The following YWHAG variants were observed in gnomAD, a reference collection of about 807,000 sequenced individuals.
The protein encoded by YWHAG is tyrosine 3-monooxygenase/tryptophan 5-monooxygenase activation protein gamma.
Under a neutral mutation model 23.3 loss-of-function variants are expected in YWHAG, and 1 was observed. The observed-to-expected ratio is 0.04, with a 90% CI of 0.02 to 0.20. YWHAG has a LOEUF of 0.20. Among genes scored for constraint, YWHAG ranks in the 10% least tolerant of loss-of-function variants. The pLI is 1.00. For missense variants in YWHAG, 151 were observed against 338.6 expected, an observed-to-expected ratio of 0.45 and a Z score of 4.35; for synonymous variants, 160 against 144.0, an observed-to-expected ratio of 1.11 and a Z score of -0.80.
rs927245099 is a variant in YWHAG, at chr7:76,327,394, G to A, written c.*2183C>T. On this transcript the variant is annotated 3_prime_UTR_variant, in exon 2 of 2. Transcript: ENST00000307630. ...GGAGGAGTAATCATTTCACTGGAGA[G>A]ACAGTATCATAGGCAAGTGCATTTC... is the stretch of plus-strand genomic sequence containing the variant. 2.6e-4 allele frequency: 40 copies of A among 152,418 alleles called. No homozygotes were observed. Among genetic ancestry groups the A allele is most frequent in the African/African-American group, 8.9e-4 (37 of 41,502 alleles). 9.4% of individuals were successfully genotyped at this position (152,418 alleles called of 1,614,324 possible).
chr7:76,357,948 A>C (rs1405006565), intron 1 of YWHAG, among the ~76,000 whole-genome samples: 1 of 152,190 alleles, frequency 6.6e-6, no homozygotes, highest in Non-Finnish European at 1.5e-5. Context: ...CCACCTTTTA[A>C]TTTTACAGGC....
At chr7:76,349,776 T>C (rs1322140546) in intron 1 of YWHAG, among the ~76,000 whole-genome samples, 1 of 152,120 alleles carries the variant, frequency 6.6e-6, no homozygotes, top group Non-Finnish European at 1.5e-5. Context: ...GGTGGATCAC[T>C]TGAGGTCAGG....
intron 1 of YWHAG, among the ~76,000 whole-genome samples, chr7:76,332,158 A>G (rs1369009398): frequency 6.6e-6 from 1 of 152,086 alleles, no homozygotes; most frequent in African/African-American, 2.4e-5. Context: ...AAAAGAGGGG[A>G]AGAATAGGGG....
At chr7:76,331,039 T>C (rs956125139) in intron 1 of YWHAG, among the ~76,000 whole-genome samples, 1 of 152,214 alleles carries the variant, frequency 6.6e-6, no homozygotes, top group Non-Finnish European at 1.5e-5. Flanking sequence ...CAGCCAATAA[T>C]ACTAAATTTA....
Position 76,326,962 on chromosome 7 carries a change from G to T in YWHAG, c.*2615C>A, listed in dbSNP as rs1462054294. ...AATCACTGATTAGACCTTAAAAATAGTTCACTGCATAACATGACAAAAAGC... is the reference window on the plus strand; with the variant it reads ...AATCACTGATTAGACCTTAAAAATATTTCACTGCATAACATGACAAAAAGC... On this transcript the variant is annotated 3_prime_UTR_variant, in exon 2 of 2. Coordinates refer to ENST00000307630, the MANE Select transcript of YWHAG (RefSeq NM_012479.4). The T allele has an allele frequency of 1.3e-5, 2 of 152,562 alleles. No individual in the cohort carries two copies. The highest frequency in any genetic ancestry group is 4.8e-5 in the African/African-American group (2 of 41,420). 9.5% of individuals were successfully genotyped at this position (152,562 alleles called of 1,614,324 possible). A position where few individuals can be genotyped will look rare whatever the true frequency, so the allele number is the denominator to read the frequency against.
At chr7:76,352,745 G>A (rs543941562) in intron 1 of YWHAG, among the ~76,000 whole-genome samples, 1 of 152,016 alleles carries the variant, frequency 6.6e-6, no homozygotes, top group South Asian at 2.1e-4. Context: ...TGCCTCTTGG[G>A]TTCAAGTGAT....
chr7:76,341,508 A>C (rs1803693778), intron 1 of YWHAG, among the ~76,000 whole-genome samples: 1 of 151,958 alleles, frequency 6.6e-6, no homozygotes, highest in Non-Finnish European at 1.5e-5. Flanking sequence ...ACATCAAATG[A>C]GGAACGGCTG....
In YWHAG at chr7:76,344,921, G is replaced by T. The variant is rs1020947805; in HGVS notation, c.87+13801C>A. Among the ~76,000 whole-genome samples the T allele has an allele frequency of 1.6e-3, 242 of 152,256 alleles. 5 individuals carry two copies. The highest frequency in any genetic ancestry group is 3.4e-3 in the Middle Eastern group (1 of 294). ...TCAGGCTTTAGTCCTTCCCTGCAAA[G>T]TTCATGGAGACCCAGCAACTCCATT... On this transcript the variant is annotated intron_variant, in intron 1 of 1. Coordinates refer to ENST00000307630, the MANE Select transcript of YWHAG (RefSeq NM_012479.4).
intron 1 of YWHAG, among the ~76,000 whole-genome samples, chr7:76,356,739 T>A (rs1035161559): frequency 3.3e-5 from 5 of 152,252 alleles, no homozygotes. Flanking sequence ...AAGCATCTTA[T>A]AAACTTTTGT....
intron 1 of YWHAG, among the ~76,000 whole-genome samples, chr7:76,335,078 A>C (rs1432046663): frequency 6.6e-6 from 1 of 151,970 alleles, no homozygotes; most frequent in Non-Finnish European, 1.5e-5. Flanking sequence ...ATTTTTTTTG[A>C]GATGGAGTCC....
At chr7:76,341,685 G>C (rs1304716495) in intron 1 of YWHAG, among the ~76,000 whole-genome samples, 1 of 151,592 alleles carries the variant, frequency 6.6e-6, no homozygotes, top group Non-Finnish European at 1.5e-5. Flanking sequence ...TCCAGAATAG[G>C]CAAATCCATA....
chr7:76,337,941 G>A (rs1025315625), intron 1 of YWHAG, among the ~76,000 whole-genome samples: 1 of 151,978 alleles, frequency 6.6e-6, no homozygotes, highest in African/African-American at 2.4e-5. Flanking sequence ...GCAGTCTTGG[G>A]GACTCTCAAC....
At position 76,329,489 on chromosome 7, in the gene YWHAG, T is replaced by TTCCA; in HGVS notation, c.*87_*88insTGGA. The stretch of plus-strand genomic sequence containing the variant: ...TCCCTGGGAAGGTCATCCCTCCCTT[T>TTCCA]CCCTCCCCCACCCGACCCCCAACTC... On this transcript the variant is annotated 3_prime_UTR_variant, in exon 2 of 2. Coordinates refer to ENST00000307630, the MANE Select transcript of YWHAG (RefSeq NM_012479.4). This position sits in a 1 kb window ranked among gnomAD's most constrained non-coding sequence, Gnocchi z 6.1. 1.1e-5 allele frequency: 11 copies of TTCCA among 1,024,228 alleles called. No individual in the cohort carries two copies. The highest frequency in any genetic ancestry group is 1.2e-5 in the Non-Finnish European group (9 of 740,082). 63.4% of individuals were successfully genotyped at this position (1,024,228 alleles called of 1,614,324 possible). A position where few individuals can be genotyped will look rare whatever the true frequency, so the allele number is the denominator to read the frequency against.
At chr7:76,346,019 T>G (rs1201325561) in intron 1 of YWHAG, among the ~76,000 whole-genome samples, 1 of 152,158 alleles carries the variant, frequency 6.6e-6, no homozygotes, top group African/African-American at 2.4e-5. Flanking sequence ...CTCTTCCTGG[T>G]TCTTTCAAAA....
intron 1 of YWHAG, among the ~76,000 whole-genome samples, chr7:76,330,603 A>G (rs1334865271): frequency 6.6e-6 from 1 of 152,190 alleles, no homozygotes; most frequent in Non-Finnish European, 1.5e-5. Flanking sequence ...TGCCCTGTCT[A>G]CTAAACTTCA....
intron 1 of YWHAG, among the ~76,000 whole-genome samples, chr7:76,341,159 G>A (rs1316448244): frequency 6.6e-6 from 1 of 152,194 alleles, no homozygotes; most frequent in African/African-American, 2.4e-5. Flanking sequence ...TTAGGAGGCT[G>A]AAGCTGGCAG....
At chr7:76,352,219 G>A (rs947009391) in intron 1 of YWHAG, among the ~76,000 whole-genome samples, 4 of 152,178 alleles carry the variant, frequency 2.6e-5, no homozygotes, top group African/African-American at 9.7e-5. Context: ...TAGCTTTAGA[G>A]TCATATGAGT....
Position 76,326,960 on chromosome 7 carries a change from T to C in YWHAG, c.*2617A>G, listed in dbSNP as rs1803451482. On this transcript the variant is annotated 3_prime_UTR_variant, in exon 2 of 2. Transcript: ENST00000307630. ...ATAATCACTGATTAGACCTTAAAAATAGTTCACTGCATAACATGACAAAAA... is the reference window on the plus strand; with the variant it reads ...ATAATCACTGATTAGACCTTAAAAACAGTTCACTGCATAACATGACAAAAA... 5 of 152,618 alleles carry C rather than the reference T, an allele frequency of 3.3e-5. No homozygotes were observed. The highest frequency in any genetic ancestry group is 7.2e-5 in the African/African-American group (3 of 41,450). 9.5% of individuals were successfully genotyped at this position (152,618 alleles called of 1,614,324 possible). A position where few individuals can be genotyped will look rare whatever the true frequency, so the allele number is the denominator to read the frequency against.
intron 1 of YWHAG, among the ~76,000 whole-genome samples, chr7:76,353,730 T>C (rs1367895998): frequency 6.6e-6 from 1 of 152,144 alleles, no homozygotes; most frequent in African/African-American, 2.4e-5. Flanking sequence ...ATAAGGCAGC[T>C]GGTATTGGTA....
Sources: allele counts gnomAD v4.1 joint callset (sites outside exome capture counted in the v4.1 genomes callset), GRCh38; gene constraint gnomAD v4.1.1; non-coding constraint Gnocchi (gnomAD v3.1); transcripts MANE v1.5; gene names NCBI Gene and HGNC (gene_info 2026-07-23, HGNC 2026-07-21).